The following PTPRD variants were observed in gnomAD, a reference collection of about 807,000 sequenced individuals.
PTPRD encodes the protein protein tyrosine phosphatase receptor type D.
A neutral mutation model predicts 214.5 loss-of-function variants in PTPRD; 34 were observed. The ratio of observed to expected loss-of-function variants is 0.16; its 90% CI spans 0.12 to 0.21. The LOEUF is 0.21. PTPRD is among the 10% of genes least tolerant of loss of function. The pLI is 1.00. For missense variants in PTPRD, 2,545 were observed against 2,398.7 expected (o/e 1.06, Z -1.27); for synonymous variants, 1,128 against 845.7 (o/e 1.33, Z -5.79).
chr9:9,483,818 G>C (rs1056063735), intron 8 of PTPRD, among the ~76,000 whole-genome samples: 1 of 145,834 alleles, frequency 6.9e-6, no homozygotes, highest in Non-Finnish European at 1.5e-5. Context: ...AATCCTCTCT[G>C]TGAAAATTCG....
At chr9:8,559,216 G>C (rs777464326) in intron 14 of PTPRD, among the ~76,000 whole-genome samples, 10 of 152,116 alleles carry the variant, frequency 6.6e-5, no homozygotes, top group Admixed American at 2.0e-4. Flanking sequence ...ATTATACTTA[G>C]CAGTAATTCG....
chr9:9,176,579 T>C (rs2099925016), intron 10 of PTPRD, among the ~76,000 whole-genome samples: 1 of 152,164 alleles, frequency 6.6e-6, no homozygotes, highest in South Asian at 2.1e-4. Flanking sequence ...TGTAATGGTG[T>C]TGGGAGTTGG....
At chr9:8,691,598 G>A (rs977730048) in intron 12 of PTPRD, among the ~76,000 whole-genome samples, 2 of 152,086 alleles carry the variant, frequency 1.3e-5, no homozygotes, top group African/African-American at 4.8e-5. Context: ...GGATTTGAAG[G>A]TGATTTGCCT....
chr9:9,599,273 G>C (rs745604058), intron 7 of PTPRD, among the ~76,000 whole-genome samples: 1 of 152,028 alleles, frequency 6.6e-6, no homozygotes, highest in Non-Finnish European at 1.5e-5. Flanking sequence ...TCCGATGCTC[G>C]TTAGGAATAT....
chr9:9,186,741 A>C (rs1054335365), intron 9 of PTPRD, among the ~76,000 whole-genome samples: 3 of 151,688 alleles, frequency 2.0e-5, no homozygotes, highest in Admixed American at 2.0e-4. Context: ...GCTCCAATTC[A>C]CTTTGGTCAT....
At chr9:8,627,790 A>G (rs2096093009) in intron 14 of PTPRD, among the ~76,000 whole-genome samples, 1 of 151,814 alleles carries the variant, frequency 6.6e-6, no homozygotes, top group Non-Finnish European at 1.5e-5. Flanking sequence ...GACTATCCAC[A>G]TGGGCTTCTG....
intron 7 of PTPRD, among the ~76,000 whole-genome samples, chr9:9,638,504 A>G (rs943635515): frequency 7.2e-5 from 11 of 152,290 alleles, no homozygotes; most frequent in Non-Finnish European, 1.3e-4. Context: ...TGACATGATC[A>G]ATTAAGTAAT....
intron 4 of PTPRD, among the ~76,000 whole-genome samples, chr9:9,992,184 T>A (rs1293143737): frequency 6.6e-6 from 1 of 152,194 alleles, no homozygotes; most frequent in East Asian, 1.9e-4. Flanking sequence ...GTTGCATGAC[T>A]GTGAATATAC....
chr9:9,698,702 T>C (rs1746446111), intron 7 of PTPRD, among the ~76,000 whole-genome samples: 3 of 152,164 alleles, frequency 2.0e-5, no homozygotes, highest in Admixed American at 2.0e-4. Context: ...ACAGGTCTCC[T>C]GCCAGTGCAC....
chr9:8,566,023 C>T (rs561503192), intron 14 of PTPRD, among the ~76,000 whole-genome samples: 1 of 151,192 alleles, frequency 6.6e-6, no homozygotes, highest in Admixed American at 6.6e-5. Context: ...CCCAGGTAAG[C>T]TGGTATAGAA....
chr9:9,926,148 C>T (rs1286464431), intron 5 of PTPRD, among the ~76,000 whole-genome samples: 4 of 152,038 alleles, frequency 2.6e-5, no homozygotes, highest in African/African-American at 9.7e-5. Flanking sequence ...TTATACGTTC[C>T]AGGCTTGTAC....
chr9:8,699,354 A>G (rs973522589), intron 12 of PTPRD, among the ~76,000 whole-genome samples: 5 of 152,210 alleles, frequency 3.3e-5, no homozygotes, highest in Non-Finnish European at 7.3e-5. Flanking sequence ...TACACCTCAT[A>G]TCATTAAAAG....
At chr9:8,863,500 A>G (rs74574160) in intron 11 of PTPRD, among the ~76,000 whole-genome samples, 4,087 of 152,264 alleles carry the variant, frequency 0.027, 137 homozygotes, top group East Asian at 0.091. Flanking sequence ...TTTATAATTA[A>G]TATATGACAA....
At chr9:8,330,012 T>C (rs1838300969) in intron 44 of PTPRD, among the ~76,000 whole-genome samples, 1 of 152,010 alleles carries the variant, frequency 6.6e-6, no homozygotes, top group Admixed American at 6.6e-5. Flanking sequence ...AGCCAGGCAC[T>C]GGAGGGAATC....
chr9:9,725,985 G>A (rs551714562), intron 7 of PTPRD, among the ~76,000 whole-genome samples: 21 of 152,184 alleles, frequency 1.4e-4, no homozygotes, highest in African/African-American at 2.9e-4. Flanking sequence ...CCAAGCCAGC[G>A]TTAGGGGTAA....
intron 10 of PTPRD, among the ~76,000 whole-genome samples, chr9:9,062,568 C>T (rs112041664): frequency 7.5e-6 from 1 of 133,426 alleles, no homozygotes; most frequent in Non-Finnish European, 1.7e-5. Flanking sequence ...ATCTATCTAT[C>T]TATCTATCTA....
intron 10 of PTPRD, among the ~76,000 whole-genome samples, chr9:9,032,506 G>C (rs148626000): frequency 6.6e-6 from 1 of 152,160 alleles, no homozygotes; most frequent in East Asian, 1.9e-4. Context: ...AGGAAATGGA[G>C]ACAAAAATTA....
chr9:10,350,463 T>C (rs2097162680), intron 2 of PTPRD, among the ~76,000 whole-genome samples: 1 of 152,052 alleles, frequency 6.6e-6, no homozygotes, highest in Non-Finnish European at 1.5e-5. Flanking sequence ...AATTATTTTA[T>C]AAAATCAAAA....
At chr9:8,449,967 C>T in intron 33 of PTPRD, 130 bp from the exon 34 acceptor site, 2 of 845,692 alleles carry the variant, frequency 2.4e-6, no homozygotes, top group Non-Finnish European at 3.6e-6. Context: ...ACCCAGCTGA[C>T]TTGTGACCCA....
Sources: gnomAD v4.1 joint callset for allele counts (sites outside exome capture counted in the v4.1 genomes callset) on GRCh38, gnomAD v4.1.1 for gene constraint, MANE v1.5 for transcripts, NCBI Gene and HGNC (gene_info 2026-07-23, HGNC 2026-07-21) for gene names.